TNS1: variants seen among roughly 807,000 people sequenced by gnomAD.
The protein encoded by TNS1 is tensin-1.
A neutral mutation model predicts 168.6 loss-of-function variants in TNS1; 62 were observed. The observed-to-expected ratio is 0.37, with a 90% confidence interval of 0.30 to 0.45. TNS1 has a LOEUF of 0.45. Ranked by LOEUF, TNS1 falls within the 20% of genes least tolerant of loss-of-function variation. The probability of loss-of-function intolerance (pLI) is 1.00; values close to 1 mark genes in which losing one functional copy is unlikely to be tolerated. For synonymous variants in TNS1, 934 were observed against 933.2 expected, an observed-to-expected ratio of 1.00 and a Z score of -0.02; for missense variants, 2,240 against 2,339.4, an observed-to-expected ratio of 0.96 and a Z score of 0.88.
chr2:218,025,899 C>G (rs1958846631), intron 1 of TNS1, among the ~76,000 whole-genome samples: 1 of 152,160 alleles, frequency 6.6e-6, no homozygotes, highest in Non-Finnish European at 1.5e-5. Flanking sequence ...CTTTGCCGAA[C>G]TCCTCTCGGA....
chr2:217,898,273 G>A (rs1952534559), intron 7 of TNS1, among the ~76,000 whole-genome samples: 1 of 152,206 alleles, frequency 6.6e-6, no homozygotes, highest in Non-Finnish European at 1.5e-5. Context: ...TTCAACCTGT[G>A]ACTCCAGAGC....
In TNS1 at chr2:217,833,544, G is replaced by GTGA. The variant is rs1300166991; in HGVS notation, c.3280+1544_3280+1546dup. On this transcript the variant is annotated intron_variant, in intron 21 of 32. Coordinates refer to ENST00000682258, the MANE Select transcript of TNS1 (RefSeq NM_001387777.1). ...CCAGGTGGCTTCCACCCAAGGCAAG[G>GTGA]TGATGTCCTTTCCCTGGCCATTTAC... 1.1e-4 allele frequency among the ~76,000 whole-genome samples: 17 copies of GTGA among 152,344 alleles called. 1 individual carries two copies. The South Asian group carries it at 2.7e-3, about 24-fold the overall frequency.
chr2:217,978,104 C>A (rs1017760392), intron 3 of TNS1, among the ~76,000 whole-genome samples: 2 of 152,180 alleles, frequency 1.3e-5, no homozygotes, highest in African/African-American at 2.4e-5. Context: ...AGGGGCTGAG[C>A]CAGCCTGGCC....
At chr2:217,913,170 T>C (rs1188699615) in intron 4 of TNS1, among the ~76,000 whole-genome samples, 1 of 152,080 alleles carries the variant, frequency 6.6e-6, no homozygotes, top group Non-Finnish European at 1.5e-5. Flanking sequence ...CTGAAGTATA[T>C]CTGCTCAGTT....
intron 3 of TNS1, among the ~76,000 whole-genome samples, chr2:217,956,532 G>C (rs1447661307): frequency 6.6e-6 from 1 of 152,218 alleles, no homozygotes; most frequent in Non-Finnish European, 1.5e-5. Context: ...GCGCTGGAAA[G>C]TCCTGTGGGA....
At chr2:217,853,167 T>C (rs1947730079) in intron 18 of TNS1, among the ~76,000 whole-genome samples, 3 of 151,946 alleles carry the variant, frequency 2.0e-5, no homozygotes. Flanking sequence ...CGGAACACAA[T>C]GTTGGTTTCA....
intron 18 of TNS1, among the ~76,000 whole-genome samples, chr2:217,866,314 G>C (rs369261458): frequency 6.6e-6 from 1 of 152,174 alleles, no homozygotes; most frequent in East Asian, 1.9e-4. Context: ...AGTCCTGTTT[G>C]GATCTGGATC....
At chr2:217,851,817 C>T (rs1324527464) in intron 18 of TNS1, among the ~76,000 whole-genome samples, 2 of 152,132 alleles carry the variant, frequency 1.3e-5, no homozygotes, top group East Asian at 1.9e-4. Flanking sequence ...TGCCCACTCT[C>T]TCCAAAGAAC....
intron 32 of TNS1, 123 bp downstream of exon 32, chr2:217,807,952 G>T: frequency 8.5e-7 from 1 of 1,177,484 alleles, no homozygotes; most frequent in Non-Finnish European, 1.2e-6. Context: ...GAGTGACCTT[G>T]GCACAAAGGT....
At chr2:217,877,243 G>C (rs1950279173) in intron 18 of TNS1, among the ~76,000 whole-genome samples, 1 of 152,178 alleles carries the variant, frequency 6.6e-6, no homozygotes, top group Admixed American at 6.5e-5. Flanking sequence ...TTGTGGTAGT[G>C]AGCCCCTGTC....
At chr2:217,906,108 T>G (rs1335710169) in intron 6 of TNS1, among the ~76,000 whole-genome samples, 3 of 152,132 alleles carry the variant, frequency 2.0e-5, no homozygotes, top group Non-Finnish European at 4.4e-5. Context: ...CACCGAGGCC[T>G]GGCGCAGTCG....
intron 8 of TNS1, among the ~76,000 whole-genome samples, chr2:217,896,501 C>T (rs954936136): frequency 1.3e-4 from 20 of 152,222 alleles, no homozygotes; most frequent in Non-Finnish European, 2.2e-4. Flanking sequence ...GAGTGATGCG[C>T]TACAAACCAA....
intron 8 of TNS1, 112 bp downstream of exon 8, chr2:217,897,686 A>T (rs1952464717): frequency 8.4e-7 from 1 of 1,190,694 alleles, no homozygotes; most frequent in East Asian, 2.6e-5. Context: ...AAACAAAGAG[A>T]AGAGGGCATG....
intron 4 of TNS1, among the ~76,000 whole-genome samples, chr2:217,917,707 T>TA (rs1476398121): frequency 6.6e-6 from 1 of 151,692 alleles, no homozygotes; most frequent in East Asian, 1.9e-4. Flanking sequence ...GCCGTGCGCC[T>TA]GTAGTCCCAG....
At chr2:217,958,825 C>G (rs1957426908) in intron 3 of TNS1, among the ~76,000 whole-genome samples, 1 of 152,192 alleles carries the variant, frequency 6.6e-6, no homozygotes, top group Non-Finnish European at 1.5e-5. Flanking sequence ...GGGTAGTGCC[C>G]TGAAGAAGGC....
At chr2:217,878,128 T>C (rs1950354770) in intron 18 of TNS1, among the ~76,000 whole-genome samples, 1 of 152,204 alleles carries the variant, frequency 6.6e-6, no homozygotes, top group South Asian at 2.1e-4. Flanking sequence ...GGCCAGGGGC[T>C]CAGCTGTTGC....
chr2:217,885,205 C>A, intron 15 of TNS1, 41 bp from the exon 16 acceptor site: 1 of 1,613,098 alleles, frequency 6.2e-7, no homozygotes. Context: ...GGGCCTGAGG[C>A]TGGGAGGTCA....
intron 19 of TNS1, 127 bp from the exon 20 acceptor site, chr2:217,836,338 C>G (rs1366817079): frequency 1.1e-6 from 1 of 920,326 alleles, no homozygotes; most frequent in African/African-American, 1.7e-5. Context: ...GCCTGTCATC[C>G]CCCATTGTCT....
chr2:217,877,390 T>C (rs1574916476), intron 18 of TNS1, among the ~76,000 whole-genome samples: 1 of 152,306 alleles, frequency 6.6e-6, no homozygotes, highest in East Asian at 1.9e-4. Flanking sequence ...CAACTCCACA[T>C]CTTGTCTCAT....
Sources: gnomAD v4.1 joint callset for allele counts (sites outside exome capture counted in the v4.1 genomes callset) on GRCh38, gnomAD v4.1.1 for gene constraint, MANE v1.5 for transcripts, NCBI Gene and HGNC (gene_info 2026-07-23, HGNC 2026-07-21) for gene names.